The following TRIOBP variants were observed in gnomAD, a reference collection of about 807,000 sequenced individuals.
The protein encoded by TRIOBP is TRIO and F-actin binding protein, also known as TRIO and F-actin-binding protein.
A neutral mutation model predicts 238.8 loss-of-function variants in TRIOBP; 169 were observed. That is an observed-to-expected ratio of 0.71 (90% CI 0.62 to 0.80). TRIOBP has a LOEUF of 0.80. TRIOBP is among the 30% of genes least tolerant of loss of function. The pLI, the probability that TRIOBP is intolerant of heterozygous loss-of-function variation, is 0.00. For missense variants in TRIOBP, 2,838 were observed against 3,122.6 expected (o/e 0.91, Z 2.17); for synonymous variants, 1,150 against 1,274.4 (o/e 0.90, Z 2.08).
At chr22:37,752,403 C>T (rs1434838124) in intron 12 of TRIOBP, among the ~76,000 whole-genome samples, 1 of 152,204 alleles carries the variant, frequency 6.6e-6, no homozygotes, top group African/African-American at 2.4e-5. Flanking sequence ...AAGACCCTTC[C>T]CTTCCTCTGG....
At chr22:37,765,353 G>T (rs1014390082) in intron 17 of TRIOBP, among the ~76,000 whole-genome samples, 18 of 152,292 alleles carry the variant, frequency 1.2e-4, no homozygotes, top group African/African-American at 4.3e-4. Flanking sequence ...AGGTGTGAAC[G>T]TGCTGCAACC....
Position 37,725,085 on chromosome 22 carries a change from C to T in TRIOBP, c.2529C>T (p.Asn843=), listed in dbSNP as rs1193128449. 1 of 1,614,206 alleles carries T rather than the reference C, an allele frequency of 6.2e-7. No individual in the cohort carries two copies. ...NPKTSCTKRD[N]LRPTCTQRDR... ...AAACCTCTTGTACCAAACGAGATAA[C>T]CTCAGACCCACTTGTACACAGCGGG... Residue 843 remains asparagine (N), a synonymous_variant, in exon 7 of 24, where the codon AAC becomes AAT. Transcript: ENST00000644935.
intron 3 of TRIOBP, among the ~76,000 whole-genome samples, chr22:37,702,495 C>T (rs1301251208): frequency 7.9e-5 from 12 of 152,082 alleles, no homozygotes; most frequent in Admixed American, 1.3e-4. Context: ...TGAGCCACCG[C>T]GCCTGGCCTC....
intron 17 of TRIOBP, chr22:37,760,158 G>A (rs1436828683): frequency 2.0e-5 from 3 of 152,720 alleles, no homozygotes; most frequent in Non-Finnish European, 4.4e-5. Flanking sequence ...TCGGATAGTA[G>A]TTTTCTATTG....
At chr22:37,722,243 G>C (rs569288879) in intron 6 of TRIOBP, among the ~76,000 whole-genome samples, 5 of 152,152 alleles carry the variant, frequency 3.3e-5, no homozygotes, top group African/African-American at 9.6e-5. Flanking sequence ...CAGGAAACAG[G>C]CTCATTAGAA....
intron 17 of TRIOBP, among the ~76,000 whole-genome samples, chr22:37,761,744 G>A (rs996570589): frequency 5.3e-5 from 8 of 152,178 alleles, no homozygotes; most frequent in South Asian, 2.1e-4. Context: ...GCCAAGTAGT[G>A]GATGGAGTTT....
chr22:37,704,380 C>CACAGAACAGAACAGAACAGA (rs1569031477), intron 3 of TRIOBP, among the ~76,000 whole-genome samples: 2 of 133,794 alleles, frequency 1.5e-5, no homozygotes, highest in Admixed American at 7.9e-5. Flanking sequence ...TGGACCCTGA[C>CACAGAACAGAACAGAACAGA]TCAGAACAGA....
chr22:37,771,856 G>C, intron 22 of TRIOBP, 120 bp downstream of exon 22: 1 of 888,968 alleles, frequency 1.1e-6, no homozygotes, highest in Non-Finnish European at 1.8e-6. Flanking sequence ...AGGCTCTCCT[G>C]TGCTTCTCCC....
chr22:37,726,397 A>G lies in TRIOBP; in HGVS notation c.3841A>G (p.Arg1281Gly). 1 of 1,585,948 alleles carries G rather than the reference A, an allele frequency of 6.3e-7. No individual in the cohort carries two copies. The change falls in exon 7 of 24, where the codon AGG becomes GGG. Residue 1281 changes from arginine to glycine, a missense_variant. Transcript: ENST00000644935. ...TVLADLPPPR[R>G]LAQRQPGPQA... ...GCTGGCCGACCTGCCCCCACCCAGG[A>G]GGCTGGCCCAGAGACAGCCAGGGCC...
intron 11 of TRIOBP, among the ~76,000 whole-genome samples, chr22:37,747,239 G>C (rs1925329753): frequency 6.6e-6 from 1 of 152,224 alleles, no homozygotes; most frequent in Non-Finnish European, 1.5e-5. Context: ...GTCACCCCAA[G>C]TATAAGAGAA....
Position 37,776,520 on chromosome 22 carries a change from G to A in TRIOBP, c.*2740G>A, listed in dbSNP as rs1476862479. 6.6e-6 allele frequency: 1 copy of A among 152,206 alleles called. No homozygotes were observed. The highest frequency in any genetic ancestry group is 1.5e-5 in the Non-Finnish European group (1 of 68,052). The allele number at this position is 152,206 out of a possible 1,614,324, so 9.4% of individuals were successfully genotyped here. A position where few individuals can be genotyped will look rare whatever the true frequency, so the allele number is the denominator to read the frequency against. On this transcript the variant is annotated 3_prime_UTR_variant, in exon 24 of 24. Coordinates refer to ENST00000644935, the MANE Select transcript of TRIOBP (RefSeq NM_001039141.3). ...CAGCAAATAAACAATACAGCTGTGT[G>A]TCAGTAGTAGAATGAATAAATTGTG...
At chr22:37,726,988 C>T (rs1924203180) in intron 7 of TRIOBP, among the ~76,000 whole-genome samples, 1 of 151,524 alleles carries the variant, frequency 6.6e-6, no homozygotes, top group Non-Finnish European at 1.5e-5. Flanking sequence ...CTCACTGCAA[C>T]CTCCACCTCC....
At chr22:37,771,103 A>G (rs1926752300) in intron 21 of TRIOBP, among the ~76,000 whole-genome samples, 1 of 152,178 alleles carries the variant, frequency 6.6e-6, no homozygotes, top group Non-Finnish European at 1.5e-5. Context: ...ATTAGCTACT[A>G]TGACTGTCCC....
At chr22:37,768,964 C>T in intron 19 of TRIOBP, 64 bp from the exon 20 acceptor site, 2 of 1,609,786 alleles carry the variant, frequency 1.2e-6, no homozygotes, top group Non-Finnish European at 1.7e-6. Context: ...GTCTACCTGA[C>T]TGGACTCCAG....
At chr22:37,726,528 AG>A in intron 7 of TRIOBP, 25 bp downstream of exon 7, 1 of 1,450,398 alleles carries the variant, frequency 6.9e-7, no homozygotes, top group Non-Finnish European at 9.0e-7. Context: ...GGGGTCAGCC[AG>A]GTGGGCTGGG....
chr22:37,746,044 C>CCCCGCCACCCCGCCGTCCCGCCGT, intron 11 of TRIOBP, among the ~76,000 whole-genome samples: 1 of 134,548 alleles, frequency 7.4e-6, no homozygotes, highest in Non-Finnish European at 1.6e-5. Flanking sequence ...CATCCGCCCA[C>CCCCGCCACCCCGCCGTCCCGCCGT]CCCGCCGTCC....
At position 37,709,484 on chromosome 22, in the gene TRIOBP, G is replaced by A. The variant is rs561553943; in HGVS notation, c.115-943G>A. The stretch of plus-strand genomic sequence containing the variant: ...GCTGCTGCCACCACAGCCCGGAGTC[G>A]GGGCCTGGGAGGGCAGCAGTGTGGG... On this transcript the variant is annotated intron_variant, in intron 3 of 23. Coordinates refer to ENST00000644935, the MANE Select transcript of TRIOBP (RefSeq NM_001039141.3). 5.3e-3 allele frequency among the ~76,000 whole-genome samples: 803 copies of A among 152,344 alleles called. 5 individuals are homozygous for A. Among genetic ancestry groups the A allele is most frequent in the Non-Finnish European group, 8.6e-3 (588 of 68,018 alleles).
intron 9 of TRIOBP, among the ~76,000 whole-genome samples, chr22:37,737,059 G>A (rs1168438577): frequency 6.6e-6 from 1 of 152,226 alleles, no homozygotes; most frequent in African/African-American, 2.4e-5. Flanking sequence ...GGACATCAGA[G>A]AAGCAGGGAT....
intron 9 of TRIOBP, 122 bp from the exon 10 acceptor site, chr22:37,738,520 C>G: frequency 1.1e-6 from 1 of 899,592 alleles, no homozygotes; most frequent in Non-Finnish European, 1.8e-6. Context: ...CATGGATCTA[C>G]TGATGCTGGA....
Sources: gnomAD v4.1 joint callset for allele counts (sites outside exome capture counted in the v4.1 genomes callset) on GRCh38, gnomAD v4.1.1 for gene constraint, MANE v1.5 for transcripts, NCBI Gene and HGNC (gene_info 2026-07-23, HGNC 2026-07-21) for gene names.